MARCHF6: variants seen among roughly 807,000 people sequenced by gnomAD.
MARCHF6 encodes membrane associated ring-CH-type finger 6, also known as E3 ubiquitin-protein ligase MARCHF6.
A neutral mutation model predicts 133.7 loss-of-function variants in MARCHF6; 31 were observed. The ratio of observed to expected loss-of-function variants is 0.23; its 90% confidence interval spans 0.17 to 0.31. The LOEUF (loss-of-function observed/expected upper bound fraction) is 0.31. Ranked by LOEUF, MARCHF6 falls within the 10% of genes least tolerant of loss-of-function variation. The pLI, the probability that MARCHF6 is intolerant of heterozygous loss-of-function variation, is 1.00. For synonymous variants in MARCHF6, 395 were observed against 402.5 expected (o/e 0.98, Z 0.22); for missense variants, 723 against 1,121.6 (o/e 0.64, Z 5.08).
At chr5:10,416,806 G>T (rs1376242643) in intron 21 of MARCHF6, among the ~76,000 whole-genome samples, 1 of 152,144 alleles carries the variant, frequency 6.6e-6, no homozygotes, top group Non-Finnish European at 1.5e-5. Flanking sequence ...GTGGCTAAAT[G>T]GCTACCATAT....
intron 3 of MARCHF6, 50 bp from the exon 4 acceptor site, chr5:10,381,750 G>A (rs1737162392): frequency 2.2e-6 from 3 of 1,379,452 alleles, no homozygotes; most frequent in Non-Finnish European, 3.0e-6. Flanking sequence ...TATGAATTAA[G>A]CTATTTTCGA....
intron 5 of MARCHF6, 57 bp downstream of exon 5, chr5:10,387,123 T>C: frequency 8.1e-7 from 1 of 1,239,918 alleles, no homozygotes; most frequent in East Asian, 2.4e-5. Context: ...CTTGCTTTTT[T>C]CCTTGCATAT....
intron 1 of MARCHF6, among the ~76,000 whole-genome samples, chr5:10,372,995 G>A (rs1394600279): frequency 6.6e-6 from 1 of 151,978 alleles, no homozygotes; most frequent in Non-Finnish European, 1.5e-5. Flanking sequence ...AGGAGTTAGA[G>A]GTTACAGTGA....
chr5:10,374,599 A>G (rs1226429736), intron 1 of MARCHF6, among the ~76,000 whole-genome samples: 2 of 152,154 alleles, frequency 1.3e-5, no homozygotes, highest in Non-Finnish European at 2.9e-5. Context: ...CACCGCTAGG[A>G]CTCAAATTCT....
At chr5:10,420,925 T>G (rs1399478702) in intron 22 of MARCHF6, among the ~76,000 whole-genome samples, 1 of 152,216 alleles carries the variant, frequency 6.6e-6, no homozygotes, top group Non-Finnish European at 1.5e-5. Flanking sequence ...AATTCCTGCT[T>G]CTTAAATCCT....
chr5:10,379,427 G>T, intron 3 of MARCHF6, among the ~76,000 whole-genome samples: 1 of 150,704 alleles, frequency 6.6e-6, no homozygotes, highest in East Asian at 1.9e-4. Flanking sequence ...AGTTAAAGTT[G>T]TATAGGTTAG....
chr5:10,393,001 C>T (rs958550008), intron 7 of MARCHF6, among the ~76,000 whole-genome samples: 1 of 152,142 alleles, frequency 6.6e-6, no homozygotes, highest in African/African-American at 2.4e-5. Flanking sequence ...AGGAAATACA[C>T]GTCATGATGA....
At chr5:10,404,039 A>G (rs1353068848) in intron 15 of MARCHF6, among the ~76,000 whole-genome samples, 1 of 38,652 alleles carries the variant, frequency 2.6e-5, no homozygotes, top group East Asian at 4.8e-4. Context: ...ACCTTTATTT[A>G]TTTATTTATT....
At chr5:10,391,081 G>A (rs923022936) in intron 6 of MARCHF6, among the ~76,000 whole-genome samples, 8 of 152,130 alleles carry the variant, frequency 5.3e-5, no homozygotes, top group Admixed American at 5.2e-4. Context: ...TCTTTGAAAG[G>A]TTTTGTTTTT....
At chr5:10,402,477 T>C in intron 13 of MARCHF6, 25 bp downstream of exon 13, 1 of 1,613,048 alleles carries the variant, frequency 6.2e-7, no homozygotes, top group Non-Finnish European at 8.5e-7. Flanking sequence ...AACTTAAAAT[T>C]GGAAATGATT....
chr5:10,360,063 G>A (rs914699661), intron 1 of MARCHF6, among the ~76,000 whole-genome samples: 1 of 151,786 alleles, frequency 6.6e-6, no homozygotes, highest in African/African-American at 2.4e-5. Flanking sequence ...ATTATGTTAT[G>A]GGAAGGCTTC....
At chr5:10,404,576 A>C (rs1386471601) in intron 15 of MARCHF6, among the ~76,000 whole-genome samples, 1 of 152,218 alleles carries the variant, frequency 6.6e-6, no homozygotes, top group Non-Finnish European at 1.5e-5. Context: ...TATAGCCTGA[A>C]AATGAATACA....
intron 19 of MARCHF6, among the ~76,000 whole-genome samples, chr5:10,412,920 G>A (rs1488447878): frequency 6.6e-6 from 1 of 152,070 alleles, no homozygotes; most frequent in Non-Finnish European, 1.5e-5. Context: ...GGAGAGGTGA[G>A]GAACAAGGGG....
chr5:10,392,295 AT>A (rs1201334730), intron 7 of MARCHF6, among the ~76,000 whole-genome samples: 1 of 152,148 alleles, frequency 6.6e-6, no homozygotes, highest in Non-Finnish European at 1.5e-5. Flanking sequence ...GGAAGAAACT[AT>A]TTTTTAAGTT....
At chr5:10,412,154 T>G (rs1417786284) in intron 19 of MARCHF6, among the ~76,000 whole-genome samples, 1 of 152,260 alleles carries the variant, frequency 6.6e-6, no homozygotes, top group Non-Finnish European at 1.5e-5. Context: ...ACATTTCTTT[T>G]TTTGTAAAAA....
rs552520414 is a variant in MARCHF6, at chr5:10,382,693, GGT to G, written c.334+756_334+757del. Among the ~76,000 whole-genome samples, 164 of 152,176 alleles carry G rather than the reference GGT, an allele frequency of 1.1e-3. 2 individuals are homozygous for G. The highest frequency in any genetic ancestry group is 3.4e-3 in the Middle Eastern group (1 of 292). ...AATACAAAAATTAGCCGGGTGTGGT[GGT>G]GTGTGCCTGTAATCTCAGCTACTCA... is the stretch of plus-strand genomic sequence containing the variant. On this transcript the variant is annotated intron_variant, in intron 4 of 25. Coordinates refer to ENST00000274140, the MANE Select transcript of MARCHF6 (RefSeq NM_005885.4).
intron 24 of MARCHF6, among the ~76,000 whole-genome samples, chr5:10,428,148 CAG>C (rs1740187074): frequency 6.6e-6 from 1 of 152,016 alleles, no homozygotes; most frequent in Non-Finnish European, 1.5e-5. Flanking sequence ...GCATGGGAAA[CAG>C]GGAACAGTTA....
rs1323424616 is a variant in MARCHF6 at position 10,378,847 on chromosome 5, C to T, written c.190+15C>T. On this transcript the variant is annotated intron_variant, in intron 3 of 25. Coordinates refer to ENST00000274140, the MANE Select transcript of MARCHF6 (RefSeq NM_005885.4). ...TTTTACACCAAGTAAGTTCTTTAGA[C>T]ATTTTCACTGCATTTTTTTTGGTTA... 1.3e-6 allele frequency: 2 copies of T among 1,572,700 alleles called. No homozygotes were observed. The highest frequency in any genetic ancestry group is 1.1e-5 in the South Asian group (1 of 89,146).
At position 10,391,637 on chromosome 5, in the gene MARCHF6, C is replaced by G. The variant is rs950376917; in HGVS notation, c.672C>G (p.Ala224=). 1 of 1,611,128 alleles carries G rather than the reference C, an allele frequency of 6.2e-7. No homozygotes were observed. Among genetic ancestry groups the G allele is most frequent in the Non-Finnish European group, 8.5e-7 (1 of 1,178,882 alleles). ...ENAVVGENPD[A]QDDQAEEEEE... ...CAGTGGTGGGGGAAAACCCTGATGC[C>G]CAGGATGACCAGGCAGAAGAGGAGG... Residue 224 remains alanine, a synonymous_variant, in exon 7 of 26, where the codon GCC becomes GCG. Transcript: ENST00000274140.
Sources: allele counts gnomAD v4.1 joint callset (sites outside exome capture counted in the v4.1 genomes callset), GRCh38; gene constraint gnomAD v4.1.1; transcripts MANE v1.5; gene names NCBI Gene and HGNC (gene_info 2026-07-23, HGNC 2026-07-21).